LRRC4C: variants seen among roughly 807,000 people sequenced by gnomAD.
LRRC4C encodes leucine rich repeat containing 4C.
Under a neutral mutation model 33.6 loss-of-function variants are expected in LRRC4C, and 5 were observed. That is an observed-to-expected ratio of 0.15 (90% CI 0.08 to 0.31). The LOEUF (loss-of-function observed/expected upper bound fraction) is 0.31. Ranked by LOEUF, LRRC4C falls within the 10% of genes least tolerant of loss-of-function variation. LRRC4C has a pLI of 1.00. For synonymous variants in LRRC4C, 329 were observed against 302.0 expected (o/e 1.09, Z -0.93); for missense variants, 560 against 796.7 (o/e 0.70, Z 3.58).
intron 2 of LRRC4C, among the ~76,000 whole-genome samples, chr11:40,662,733 A>G (rs1943509851): frequency 6.6e-6 from 1 of 152,204 alleles, no homozygotes. Flanking sequence ...TAGTTCTGTC[A>G]TTTAATAATT....
intron 3 of LRRC4C, among the ~76,000 whole-genome samples, chr11:40,635,212 T>C (rs555703306): frequency 3.0e-4 from 45 of 152,324 alleles, no homozygotes; most frequent in Admixed American, 1.3e-3. Flanking sequence ...TCATCCATCA[T>C]AGAATTCTCA....
At chr11:41,160,951 C>A (rs913245736) in intron 1 of LRRC4C, among the ~76,000 whole-genome samples, 2 of 152,096 alleles carry the variant, frequency 1.3e-5, no homozygotes, top group African/African-American at 4.8e-5. Context: ...GAATTACAAG[C>A]ATATTTATTT....
chr11:41,073,919 A>G (rs1046468259), intron 1 of LRRC4C, among the ~76,000 whole-genome samples: 2 of 152,212 alleles, frequency 1.3e-5, no homozygotes, highest in African/African-American at 4.8e-5. Flanking sequence ...AACATACATA[A>G]TCACAGTAAA....
At chr11:40,828,397 A>G (rs1015701667) in intron 2 of LRRC4C, among the ~76,000 whole-genome samples, 2 of 151,730 alleles carry the variant, frequency 1.3e-5, no homozygotes, top group Non-Finnish European at 2.9e-5. Flanking sequence ...TAGTTTGCTA[A>G]TGTCAAGAAT....
At chr11:40,646,273 C>CA (rs1437862798) in intron 3 of LRRC4C, among the ~76,000 whole-genome samples, 1 of 151,960 alleles carries the variant, frequency 6.6e-6, no homozygotes, top group African/African-American at 2.4e-5. Context: ...TAATCAGAAA[C>CA]AAAAAAGAAC....
At chr11:41,390,151 A>G (rs1255103133) in intron 1 of LRRC4C, among the ~76,000 whole-genome samples, 6 of 151,962 alleles carry the variant, frequency 3.9e-5, no homozygotes, top group African/African-American at 1.4e-4. Context: ...TGAGGGATAT[A>G]GAATAAATGT....
At chr11:40,372,834 T>C (rs1162827032) in intron 3 of LRRC4C, among the ~76,000 whole-genome samples, 1 of 152,196 alleles carries the variant, frequency 6.6e-6, no homozygotes. Flanking sequence ...TGGAATTGAA[T>C]ATCTGGCCCT....
chr11:40,657,899 G>A (rs1481517493), intron 2 of LRRC4C, among the ~76,000 whole-genome samples: 1 of 152,084 alleles, frequency 6.6e-6, no homozygotes, highest in African/African-American at 2.4e-5. Context: ...TTCATGTCCA[G>A]TTATATCTAT....
intron 1 of LRRC4C, among the ~76,000 whole-genome samples, chr11:41,100,794 C>T (rs1471221224): frequency 6.6e-6 from 1 of 152,070 alleles, no homozygotes; most frequent in Non-Finnish European, 1.5e-5. Flanking sequence ...TTAAACTACA[C>T]TACAGGGCTG....
intron 3 of LRRC4C, among the ~76,000 whole-genome samples, chr11:40,434,485 C>T (rs553753900): frequency 1.3e-5 from 2 of 152,182 alleles, no homozygotes; most frequent in Non-Finnish European, 2.9e-5. Flanking sequence ...CACACGACTG[C>T]TCAGTGCTCA....
chr11:41,347,487 A>C (rs932463288), intron 1 of LRRC4C, among the ~76,000 whole-genome samples: 1 of 152,202 alleles, frequency 6.6e-6, no homozygotes, highest in African/African-American at 2.4e-5. Flanking sequence ...AGAAGGCTGC[A>C]GATGTTAAAT....
At position 40,716,728 on chromosome 11, in the gene LRRC4C, T is replaced by G. The variant is rs867762193; in HGVS notation, c.-406-68450A>C. Among the ~76,000 whole-genome samples, 55 of 152,284 alleles carry G rather than the reference T, an allele frequency of 3.6e-4. 1 individual carries two copies. Among genetic ancestry groups the G allele is most frequent in the Middle Eastern group, 6.8e-3 (2 of 294 alleles). Reference sequence around the variant, plus strand: ...TACTGAAAAATCATCACTCCTCTGCTCACATCTTTCTGCAAATTTGTCAAA... The same window carrying G: ...TACTGAAAAATCATCACTCCTCTGCGCACATCTTTCTGCAAATTTGTCAAA... On this transcript the variant is annotated intron_variant, in intron 2 of 6. Transcript: ENST00000528697.
chr11:40,583,479 G>C (rs1054910062), intron 3 of LRRC4C, among the ~76,000 whole-genome samples: 3 of 152,092 alleles, frequency 2.0e-5, no homozygotes, highest in Non-Finnish European at 4.4e-5. Flanking sequence ...AAATTACATG[G>C]GATGCCTTGC....
intron 2 of LRRC4C, among the ~76,000 whole-genome samples, chr11:40,901,247 T>G (rs1188833284): frequency 6.6e-6 from 1 of 152,096 alleles, no homozygotes; most frequent in Admixed American, 6.6e-5. Flanking sequence ...TATGTCATAC[T>G]CTTGAATATG....
intron 3 of LRRC4C, among the ~76,000 whole-genome samples, chr11:40,470,982 C>T (rs183545465): frequency 1.0e-3 from 154 of 152,282 alleles, no homozygotes; most frequent in African/African-American, 3.3e-3. Context: ...TCCAGGAGAA[C>T]TTTCCAAACC....
At chr11:41,236,296 T>C (rs1242055432) in intron 1 of LRRC4C, among the ~76,000 whole-genome samples, 2 of 152,040 alleles carry the variant, frequency 1.3e-5, no homozygotes, top group African/African-American at 4.8e-5. Context: ...CTGATACCTC[T>C]TCAGGAGGGG....
At chr11:40,280,759 T>A (rs2136441997) in intron 4 of LRRC4C, among the ~76,000 whole-genome samples, 1 of 152,242 alleles carries the variant, frequency 6.6e-6, no homozygotes, top group African/African-American at 2.4e-5. Context: ...AATTAACATA[T>A]CGCCACAACA....
At chr11:41,271,526 A>G (rs1429663690) in intron 1 of LRRC4C, among the ~76,000 whole-genome samples, 3 of 148,552 alleles carry the variant, frequency 2.0e-5, no homozygotes, top group Non-Finnish European at 4.4e-5. Context: ...TTTTGTTCAG[A>G]TGTCACTTCC....
intron 5 of LRRC4C, among the ~76,000 whole-genome samples, chr11:40,188,473 T>A (rs1320699253): frequency 6.6e-6 from 1 of 152,230 alleles, no homozygotes; most frequent in Non-Finnish European, 1.5e-5. Flanking sequence ...ACTGTTATTA[T>A]TGAGTTTAAA....
Sources: allele counts gnomAD v4.1 joint callset (sites outside exome capture counted in the v4.1 genomes callset), GRCh38; gene constraint gnomAD v4.1.1; transcripts MANE v1.5; gene names NCBI Gene and HGNC (gene_info 2026-07-23, HGNC 2026-07-21).